Variants in CDK14 observed in about 807,000 individuals in gnomAD.
CDK14 encodes the protein cyclin dependent kinase 14, also known as cyclin-dependent kinase 14.
CDK14 carries 34 observed loss-of-function variants against 60.7 expected under a neutral mutation model. The observed-to-expected ratio is 0.56, with a 90% confidence interval of 0.43 to 0.75. The LOEUF (loss-of-function observed/expected upper bound fraction) is 0.75, where lower values mean the gene tolerates loss of function less well. CDK14 is among the 30% of genes least tolerant of loss of function. The pLI is 0.00. For synonymous variants in CDK14, 197 were observed against 203.7 expected (o/e 0.97, Z 0.28); for missense variants, 482 against 564.1 (o/e 0.85, Z 1.47).
chr7:90,684,123 A>G (rs1430895526), intron 2 of CDK14, among the ~76,000 whole-genome samples: 3 of 152,220 alleles, frequency 2.0e-5, no homozygotes, highest in Non-Finnish European at 4.4e-5. Flanking sequence ...GCTAAAATCT[A>G]TATTATATCT....
At chr7:91,143,808 AT>A (rs78489548) in intron 14 of CDK14, among the ~76,000 whole-genome samples, 5,138 of 152,264 alleles carry the variant, frequency 0.034, 148 homozygotes, top group Admixed American at 0.083. Context: ...GAGTAATTTC[AT>A]TTAATCCTCA....
At chr7:90,859,685 C>T (rs1790941386) in intron 5 of CDK14, among the ~76,000 whole-genome samples, 1 of 152,106 alleles carries the variant, frequency 6.6e-6, no homozygotes, top group Admixed American at 6.6e-5. Context: ...GAATCCCCAA[C>T]CAGTGTGATA....
Position 90,990,352 on chromosome 7 carries a change from C to A in CDK14, c.1041+6111C>A, listed in dbSNP as rs1294931195. 2.0e-5 allele frequency among the ~76,000 whole-genome samples: 3 copies of A among 152,156 alleles called. No individual in the cohort carries two copies. The East Asian group carries it at 5.8e-4, about 29-fold the overall frequency. On this transcript the variant is annotated intron_variant, in intron 10 of 14. Coordinates refer to ENST00000380050, the MANE Select transcript of CDK14 (RefSeq NM_001287135.2). ...AGACTGGCAGAAGTAGAGAATTAAA[C>A]AACACCTGTTAGGGTGAAGAACATT... is the stretch of plus-strand genomic sequence containing the variant.
chr7:90,985,321 A>G (rs971932701), intron 10 of CDK14, among the ~76,000 whole-genome samples: 2 of 152,100 alleles, frequency 1.3e-5, no homozygotes, highest in Non-Finnish European at 1.5e-5. Flanking sequence ...TAGTTTTCTC[A>G]TGGGTGAAAT....
chr7:91,130,223 A>C (rs1800075319), intron 14 of CDK14, among the ~76,000 whole-genome samples: 1 of 152,172 alleles, frequency 6.6e-6, no homozygotes, highest in Non-Finnish European at 1.5e-5. Flanking sequence ...ACTCTCTTCT[A>C]TCCAGCCACT....
intron 12 of CDK14, among the ~76,000 whole-genome samples, chr7:91,082,135 G>A (rs1030153779): frequency 3.9e-5 from 6 of 152,146 alleles, no homozygotes; most frequent in Non-Finnish European, 7.4e-5. Context: ...GCATGTATGT[G>A]CAATCAACCA....
At chr7:90,691,741 A>G (rs2116587548) in intron 2 of CDK14, among the ~76,000 whole-genome samples, 1 of 152,336 alleles carries the variant, frequency 6.6e-6, no homozygotes, top group Non-Finnish European at 1.5e-5. Context: ...AGATGATGGT[A>G]CATCACCACC....
chr7:90,705,997 G>A lies in CDK14; in HGVS notation c.124-20570G>A, dbSNP rs545602744. Among the ~76,000 whole-genome samples the A allele has an allele frequency of 1.5e-3, 228 of 152,204 alleles. 1 individual carries two copies. Among genetic ancestry groups the A allele is most frequent in the African/African-American group, 5.4e-3 (224 of 41,538 alleles). ...AGAATTTAAAAAAGTCTCATATAAA[G>A]ACAGGCATTTCAAAGGATCGATTTT... On this transcript the variant is annotated intron_variant, in intron 2 of 14. Coordinates refer to ENST00000380050, the MANE Select transcript of CDK14 (RefSeq NM_001287135.2).
At chr7:91,085,043 C>T (rs1160542605) in intron 12 of CDK14, among the ~76,000 whole-genome samples, 1 of 152,196 alleles carries the variant, frequency 6.6e-6, no homozygotes, top group Non-Finnish European at 1.5e-5. Context: ...CCTCTGTTCT[C>T]CCAAATATGC....
At chr7:90,938,275 A>G (rs1197515598) in intron 8 of CDK14, among the ~76,000 whole-genome samples, 1 of 152,240 alleles carries the variant, frequency 6.6e-6, no homozygotes, top group Non-Finnish European at 1.5e-5. Flanking sequence ...AACCATCTGA[A>G]CAACTCCACT....
At chr7:90,784,801 A>G (rs1215940983) in intron 4 of CDK14, among the ~76,000 whole-genome samples, 1 of 152,214 alleles carries the variant, frequency 6.6e-6, no homozygotes, top group Non-Finnish European at 1.5e-5. Context: ...TTTAGATGAC[A>G]GTAACAATGT....
rs114470491 is a variant in CDK14 at position 91,171,401 on chromosome 7, C to T, written c.*29-35764C>T. Reference sequence around the variant, plus strand: ...TGACTTTTCCATTTGAAGCAGACTTCATCTCCATATTTGCTATGACTAGTG... The same window carrying T: ...TGACTTTTCCATTTGAAGCAGACTTTATCTCCATATTTGCTATGACTAGTG... On this transcript the variant is annotated intron_variant, in intron 14 of 14. Transcript: ENST00000380050. 3.8e-3 allele frequency among the ~76,000 whole-genome samples: 584 copies of T among 152,192 alleles called. 4 individuals carry two copies. Among genetic ancestry groups the T allele is most frequent in the African/African-American group, 0.013 (559 of 41,522 alleles).
At chr7:91,009,474 T>C (rs139277223) in intron 10 of CDK14, among the ~76,000 whole-genome samples, 1,988 of 152,298 alleles carry the variant, frequency 0.013, 21 homozygotes, top group Non-Finnish European at 0.02. Context: ...TGCCATACCA[T>C]TTACATTGCC....
At chr7:90,722,425 C>A (rs1388773988) in intron 2 of CDK14, among the ~76,000 whole-genome samples, 1 of 152,088 alleles carries the variant, frequency 6.6e-6, no homozygotes, top group African/African-American at 2.4e-5. Flanking sequence ...AGGTTGGTCT[C>A]GAACTCCTGA....
intron 2 of CDK14, chr7:90,709,857 A>C: frequency 7.2e-7 from 1 of 1,381,328 alleles, no homozygotes; most frequent in Non-Finnish European, 9.4e-7. Flanking sequence ...GAAAGATGTG[A>C]ATTCAGTTGC....
At chr7:90,730,928 C>A (rs1802835688) in intron 3 of CDK14, among the ~76,000 whole-genome samples, 2 of 151,664 alleles carry the variant, frequency 1.3e-5, no homozygotes, top group African/African-American at 4.8e-5. Context: ...AGTCTTTGCC[C>A]ATGCCTGTGT....
chr7:91,154,879 A>G (rs1339546116), intron 14 of CDK14, among the ~76,000 whole-genome samples: 1 of 152,226 alleles, frequency 6.6e-6, no homozygotes, highest in Non-Finnish European at 1.5e-5. Flanking sequence ...AATTGGCTAT[A>G]TAGGCCAAAG....
At chr7:90,876,102 T>C (rs1791551290) in intron 6 of CDK14, among the ~76,000 whole-genome samples, 1 of 152,134 alleles carries the variant, frequency 6.6e-6, no homozygotes, top group Non-Finnish European at 1.5e-5. Flanking sequence ...ACAGAAGCAA[T>C]ATGATTGGGA....
intron 6 of CDK14, among the ~76,000 whole-genome samples, chr7:90,868,312 C>CACACAT (rs1229385009): frequency 6.6e-6 from 1 of 150,988 alleles, no homozygotes; most frequent in Non-Finnish European, 1.5e-5. Context: ...TACACACACA[C>CACACAT]ACACATACAC....
Sources: gnomAD v4.1 joint callset for allele counts (sites outside exome capture counted in the v4.1 genomes callset) on GRCh38, gnomAD v4.1.1 for gene constraint, MANE v1.5 for transcripts, NCBI Gene and HGNC (gene_info 2026-07-23, HGNC 2026-07-21) for gene names.